The following VWF variants were observed in gnomAD, a reference collection of about 807,000 sequenced individuals.
VWF encodes the protein Factor VIII related antigen.
In VWF, 176 loss-of-function variants were observed where a neutral mutation model predicts 308.6. The ratio of observed to expected loss-of-function variants is 0.57; its 90% CI spans 0.50 to 0.65. VWF has a LOEUF of 0.65. VWF is among the 30% of genes least tolerant of loss of function. The pLI is 0.00. For missense variants in VWF, 3,146 were observed against 3,648.2 expected (o/e 0.86, Z 3.55); for synonymous variants, 1,385 against 1,443.4 (o/e 0.96, Z 0.92).
At chr12:6,040,328 C>T (rs988666230) in intron 18 of VWF, among the ~76,000 whole-genome samples, 1 of 152,150 alleles carries the variant, frequency 6.6e-6, no homozygotes, top group Non-Finnish European at 1.5e-5. Flanking sequence ...CTCATTTTAT[C>T]GATCCGGCAG....
chr12:5,958,833 T>G (rs74467767), intron 47 of VWF, among the ~76,000 whole-genome samples: 11,631 of 152,270 alleles, frequency 0.076, 548 homozygotes, highest in African/African-American at 0.13. Context: ...AGTGAATAAC[T>G]GACTGTAATT....
At chr12:5,955,102 C>T (rs1046262235) in intron 47 of VWF, among the ~76,000 whole-genome samples, 2 of 150,658 alleles carry the variant, frequency 1.3e-5, no homozygotes, top group South Asian at 2.1e-4. Flanking sequence ...ATGTCTAATA[C>T]ACAGTAAAAA....
chr12:6,075,261 G>A lies in VWF; in HGVS notation c.874+74C>T, dbSNP rs1944829034. On this transcript the variant is annotated intron_variant, in intron 7 of 51. Transcript: ENST00000261405. This position sits in a 1 kb window ranked among gnomAD's most constrained non-coding sequence, Gnocchi z 4.7. ...CGCACATACGTGACACAGCCCCGAA[G>A]CACCCTAAGGGACACCACCCAGGAC... 1.9e-6 allele frequency: 3 copies of A among 1,582,042 alleles called. No homozygotes were observed. The highest frequency in any genetic ancestry group is 2.6e-6 in the Non-Finnish European group (3 of 1,155,658).
intron 34 of VWF, among the ~76,000 whole-genome samples, chr12:6,005,390 C>T (rs1460357022): frequency 1.3e-5 from 2 of 152,124 alleles, no homozygotes; most frequent in Non-Finnish European, 2.9e-5. Context: ...AATAGTACTG[C>T]AACCTATATC....
intron 20 of VWF, among the ~76,000 whole-genome samples, 157 bp downstream of exon 20, chr12:6,034,531 G>A (rs191539390): frequency 1.2e-4 from 19 of 152,272 alleles, no homozygotes; most frequent in African/African-American, 3.9e-4. Flanking sequence ...ATCCCCTACC[G>A]CTTCAGGCAC....
intron 22 of VWF, among the ~76,000 whole-genome samples, chr12:6,029,058 G>A (rs1446479104): frequency 1.3e-5 from 2 of 151,336 alleles, no homozygotes; most frequent in Non-Finnish European, 2.9e-5. Flanking sequence ...ATAAAGGGAG[G>A]GAGGAAGGTC....
rs1007035845 is a variant in VWF at position 6,046,219 on chromosome 12, C to CA, written c.2281+503dup. Among the ~76,000 whole-genome samples the CA allele has an allele frequency of 2.7e-5, 4 of 147,234 alleles. No homozygotes were observed. The highest frequency in any genetic ancestry group is 6.8e-5 in the Admixed American group (1 of 14,726). The stretch of plus-strand genomic sequence containing the variant: ...AACCTGGGTGACAGAGTGAGACTCT[C>CA]AAAAAAAAAAGACAGTGCAGCCACC... On this transcript the variant is annotated intron_variant, in intron 17 of 51. Coordinates refer to ENST00000261405, the MANE Select transcript of VWF (RefSeq NM_000552.5). This position sits in a 1 kb window ranked among gnomAD's most constrained non-coding sequence, Gnocchi z 5.0.
intron 21 of VWF, 98 bp from the exon 22 acceptor site, chr12:6,029,586 C>T: frequency 6.6e-7 from 1 of 1,516,716 alleles, no homozygotes; most frequent in Non-Finnish European, 9.0e-7. Flanking sequence ...TCTTCAGTGC[C>T]CACGAGTGCA....
At chr12:5,975,964 C>T (rs926957782) in intron 43 of VWF, 147 bp downstream of exon 43, 67 of 1,193,340 alleles carry the variant, frequency 5.6e-5, no homozygotes, top group South Asian at 4.2e-5. Flanking sequence ...TGCAGTGAGC[C>T]GAGATTGTGC....
At chr12:6,091,638 G>A (rs954942319) in intron 6 of VWF, among the ~76,000 whole-genome samples, 1 of 152,220 alleles carries the variant, frequency 6.6e-6, no homozygotes, top group Admixed American at 6.5e-5. Flanking sequence ...CTACCTCCTG[G>A]GCTCAAGTGA....
intron 47 of VWF, 64 bp from the exon 48 acceptor site, chr12:5,953,658 G>A (rs572308278): frequency 1.4e-6 from 2 of 1,384,504 alleles, no homozygotes; most frequent in Admixed American, 3.4e-5. Context: ...ATTGTAAGTA[G>A]GCTGATTTTG....
intron 3 of VWF, among the ~76,000 whole-genome samples, chr12:6,120,306 GTTTT>G (rs1175565865): frequency 6.6e-6 from 1 of 151,808 alleles, no homozygotes; most frequent in African/African-American, 2.4e-5. Context: ...GCTTAGTCCA[GTTTT>G]TTTGTTTTTT....
chr12:6,023,549 C>A lies in VWF; in HGVS notation c.3379+82G>T, dbSNP rs577172448. ...GTCTTCTCTCGCCCATGAAGATATC[C>A]CCCTGCACTCACAAGGTCTTCAAGC... On this transcript the variant is annotated intron_variant, in intron 25 of 51. Coordinates refer to ENST00000261405, the MANE Select transcript of VWF (RefSeq NM_000552.5). 2.6e-6 allele frequency: 4 copies of A among 1,567,702 alleles called. No individual in the cohort carries two copies. In the South Asian group the frequency reaches 4.6e-5, roughly 18 times the overall value.
intron 13 of VWF, among the ~76,000 whole-genome samples, chr12:6,059,686 C>T (rs1464521662): frequency 1.3e-5 from 2 of 152,072 alleles, no homozygotes; most frequent in Non-Finnish European, 2.9e-5. Context: ...CCAAAGGCCC[C>T]ACCTCGTAAC....
intron 10 of VWF, 103 bp downstream of exon 10, chr12:6,071,194 C>T: frequency 7.0e-6 from 10 of 1,432,346 alleles, no homozygotes; most frequent in Non-Finnish European, 9.7e-6. Flanking sequence ...GAGAGGGCAA[C>T]TTCTCGCTGC....
At chr12:5,962,560 T>TTTG (rs1266544177) in intron 47 of VWF, among the ~76,000 whole-genome samples, 1 of 144,634 alleles carries the variant, frequency 6.9e-6, no homozygotes, top group Non-Finnish European at 1.5e-5. Flanking sequence ...TTTTTTTTTT[T>TTTG]TGAGACAGAG....
chr12:6,102,955 T>C (rs1314282730), intron 5 of VWF, among the ~76,000 whole-genome samples: 2 of 152,084 alleles, frequency 1.3e-5, no homozygotes, highest in African/African-American at 4.8e-5. Flanking sequence ...AGAACAAAGC[T>C]GGAGGCATCA....
intron 47 of VWF, among the ~76,000 whole-genome samples, chr12:5,955,708 G>T (rs1419946323): frequency 6.6e-6 from 1 of 152,152 alleles, no homozygotes; most frequent in East Asian, 1.9e-4. Context: ...ATATGTTAAA[G>T]AGTCTAGAGG....
At position 6,103,381 on chromosome 12, in the gene VWF, T is replaced by TACAC. The variant is rs774283120; in HGVS notation, c.532+6989_532+6992dup. On this transcript the variant is annotated intron_variant, in intron 5 of 51. Transcript: ENST00000261405. ...ATACATATATATGTGTGTGTGTGTA[T>TACAC]ACACGTGTGTGTATACACGTGTGTG... 1.3e-3 allele frequency among the ~76,000 whole-genome samples: 171 copies of TACAC among 130,466 alleles called. 7 individuals are homozygous for TACAC. Among genetic ancestry groups the TACAC allele is most frequent in the African/African-American group, 5.1e-3 (159 of 30,920 alleles). 85.6% of individuals were successfully genotyped at this position (130,466 alleles called of 152,430 possible).
Sources: gnomAD v4.1 joint callset for allele counts (sites outside exome capture counted in the v4.1 genomes callset) on GRCh38, gnomAD v4.1.1 for gene constraint, Gnocchi (gnomAD v3.1) non-coding constraint, MANE v1.5 for transcripts, NCBI Gene and HGNC (gene_info 2026-07-23, HGNC 2026-07-21) for gene names.